The following MPI variants were observed in gnomAD, a reference collection of about 807,000 sequenced individuals.
MPI encodes mannose-6-phosphate isomerase.
Under a neutral mutation model 40.1 loss-of-function variants are expected in MPI, and 33 were observed. The ratio of observed to expected loss-of-function variants is 0.82; its 90% confidence interval spans 0.62 to 1.10. MPI has a LOEUF of 1.10. MPI is among the 50% of genes least tolerant of loss of function. MPI has a pLI of 0.00. For synonymous variants in MPI, 187 were observed against 207.4 expected (o/e 0.90, Z 0.85); for missense variants, 514 against 524.1 (o/e 0.98, Z 0.19).
In MPI at chr15:74,894,107, T is replaced by TGTGTTTTCTGAGCCAG. The variant is rs1555478772; in HGVS notation, c.670+788_670+789insTGTTTTCTGAGCCAGG. Among the ~76,000 whole-genome samples, 577 of 60,992 alleles carry TGTGTTTTCTGAGCCAG rather than the reference T, an allele frequency of 9.5e-3. 163 individuals are homozygous for TGTGTTTTCTGAGCCAG. Among genetic ancestry groups the TGTGTTTTCTGAGCCAG allele is most frequent in the Middle Eastern group, 0.023 (3 of 128 alleles). The allele number at this position is 60,992 out of a possible 152,430, so 40.0% of individuals were successfully genotyped here. On this transcript the variant is annotated intron_variant, in intron 5 of 7. Coordinates refer to ENST00000352410, the MANE Select transcript of MPI (RefSeq NM_002435.3). ...GTGTGTGTGTGTGTGTGTGTGTGTG[T>TGTGTTTTCTGAGCCAG]GGTCTCTTTCTGTTGCCCCAGGCTG...
At chr15:74,895,821 C>A in intron 5 of MPI, 2 of 364,264 alleles carry the variant, frequency 5.5e-6, no homozygotes, top group Non-Finnish European at 1.1e-5. Context: ...GGACAGCCCC[C>A]ACAATAAAGA....
chr15:74,895,241 C>T (rs1340606651), intron 5 of MPI, among the ~76,000 whole-genome samples: 1 of 150,364 alleles, frequency 6.7e-6, no homozygotes. Flanking sequence ...TCCCAAAGTC[C>T]TGAGATGACA....
Position 74,899,095 on chromosome 15 carries a change from G to A in MPI, c.*1365G>A, listed in dbSNP as rs1280808257. 6.6e-6 allele frequency: 1 copy of A among 152,210 alleles called. No homozygotes were observed. Among genetic ancestry groups the A allele is most frequent in the Non-Finnish European group, 1.5e-5 (1 of 68,052 alleles). 9.4% of individuals were successfully genotyped at this position (152,210 alleles called of 1,614,324 possible). A position where few individuals can be genotyped will look rare whatever the true frequency, so the allele number is the denominator to read the frequency against. On this transcript the variant is annotated 3_prime_UTR_variant, in exon 8 of 8. Transcript: ENST00000352410. Reference sequence around the variant, plus strand: ...TAGACAATTTTCATGGCGAGGAGAAGCCCAGTTAGCTTTCCTAAACGGGCA... The same window carrying A: ...TAGACAATTTTCATGGCGAGGAGAAACCCAGTTAGCTTTCCTAAACGGGCA...
rs1046595604 is a variant in MPI, at chr15:74,899,334, G to A, written c.*1604G>A. On this transcript the variant is annotated 3_prime_UTR_variant, in exon 8 of 8. Coordinates refer to ENST00000352410, the MANE Select transcript of MPI (RefSeq NM_002435.3). The stretch of plus-strand genomic sequence containing the variant: ...TTTCTGGGCTTCTGCCCACACTAGA[G>A]TCCCTATACAATGGAGTTCCAGGAA... The A allele has an allele frequency of 6.6e-6, 1 of 152,184 alleles. No individual in the cohort carries two copies. Among genetic ancestry groups the A allele is most frequent in the Admixed American group, 6.5e-5 (1 of 15,284 alleles). 9.4% of individuals were successfully genotyped at this position (152,184 alleles called of 1,614,324 possible). A position where few individuals can be genotyped will look rare whatever the true frequency, so the allele number is the denominator to read the frequency against.
chr15:74,894,898 T>G (rs574895901), intron 5 of MPI, among the ~76,000 whole-genome samples: 18 of 152,180 alleles, frequency 1.2e-4, no homozygotes, highest in African/African-American at 3.9e-4. Flanking sequence ...CCAGGACACA[T>G]TTTGGCCCTC....
At chr15:74,893,591 G>A (rs2064758844) in intron 5 of MPI, 2 of 601,618 alleles carry the variant, frequency 3.3e-6, no homozygotes, top group Admixed American at 2.8e-5. Flanking sequence ...CTTCCACCTA[G>A]GCATTCTGAG....
At chr15:74,896,532 C>T in intron 6 of MPI, 2 of 697,740 alleles carry the variant, frequency 2.9e-6, no homozygotes, top group Non-Finnish European at 5.2e-6. Flanking sequence ...CTGACACCAA[C>T]CCTGTGATGC....
chr15:74,892,966 A>G, intron 4 of MPI, 164 bp downstream of exon 4: 2 of 1,322,616 alleles, frequency 1.5e-6, no homozygotes, highest in Non-Finnish European at 2.1e-6. Context: ...GACCAGGCTC[A>G]GGTGTGGTAG....
Position 74,901,397 on chromosome 15 carries a change from G to T in MPI, c.*3667G>T, listed in dbSNP as rs151085103. 6.6e-6 allele frequency: 1 copy of T among 152,116 alleles called. No individual in the cohort carries two copies. The highest frequency in any genetic ancestry group is 6.5e-5 in the Admixed American group (1 of 15,274). The allele number at this position is 152,116 out of a possible 1,614,324, so 9.4% of individuals were successfully genotyped here. ...TATACTCTCCAATTTGTGGGTAGGG[G>T]GTGTCACAGCAGAAATTATGCCTAT... On this transcript the variant is annotated 3_prime_UTR_variant, in exon 8 of 8. Coordinates refer to ENST00000352410, the MANE Select transcript of MPI (RefSeq NM_002435.3).
At position 74,895,848 on chromosome 15, in the gene MPI, G is replaced by A. The variant is rs1270993697; in HGVS notation, c.671-304G>A. ...CAATAAAGAATTACCTAGCCCAAAT[G>A]TCAGTAGCGCCAAGGCTGAGAAATC... On this transcript the variant is annotated intron_variant, in intron 5 of 7. Coordinates refer to ENST00000352410, the MANE Select transcript of MPI (RefSeq NM_002435.3). The A allele has an allele frequency of 1.4e-5, 6 of 419,772 alleles. No individual in the cohort carries two copies. In the East Asian group the frequency reaches 2.5e-4, roughly 18 times the overall value. 26.0% of individuals were successfully genotyped at this position (419,772 alleles called of 1,614,324 possible).
At position 74,893,372 on chromosome 15, in the gene MPI, C is replaced by G; in HGVS notation, c.670+52C>G. 4 of 1,593,476 alleles carry G rather than the reference C, an allele frequency of 2.5e-6. No homozygotes were observed. In the South Asian group the frequency reaches 4.4e-5, roughly 18 times the overall value. ...GTGCAATGCTCTGGCCTGGGCTTCC[C>G]AGCAGACACCAGACTCTGGGGACAG... On this transcript the variant is annotated intron_variant, in intron 5 of 7. Coordinates refer to ENST00000352410, the MANE Select transcript of MPI (RefSeq NM_002435.3).
chr15:74,894,006 A>T, intron 5 of MPI, among the ~76,000 whole-genome samples: 1 of 142,938 alleles, frequency 7.0e-6, no homozygotes, highest in Non-Finnish European at 1.5e-5. Flanking sequence ...TTAGGGCATT[A>T]TTTATTTGAC....
intron 2 of MPI, chr15:74,891,101 G>A (rs2064719047): frequency 1.8e-5 from 11 of 596,520 alleles, no homozygotes; most frequent in South Asian, 1.8e-4. Context: ...CAGTGCAGAT[G>A]TCATTCTCCT....
At chr15:74,896,865 T>G (rs1319799869) in intron 6 of MPI, 146 bp from the exon 7 acceptor site, 2 of 771,040 alleles carry the variant, frequency 2.6e-6, no homozygotes, top group East Asian at 5.2e-5. Context: ...GTATTTGATA[T>G]CTTAACCCCA....
chr15:74,896,518 A>C, intron 6 of MPI, 193 bp downstream of exon 6: 1 of 713,664 alleles, frequency 1.4e-6, no homozygotes, highest in Non-Finnish European at 2.5e-6. Context: ...ACACGCCTTG[A>C]ATCCTGACAC....
In MPI at chr15:74,890,525, A is replaced by T; in HGVS notation, c.17-2A>T. On this transcript the variant is annotated splice_acceptor_variant, in intron 1 of 7. Coordinates refer to ENST00000352410, the MANE Select transcript of MPI (RefSeq NM_002435.3). LOFTEE classifies it high-confidence loss of function. ...GGCAGCTGACCCTGTCTGTGCCCCT[A>T]GTATTCCCACTTTCCTGTGCGGTGC... 6.2e-7 allele frequency: 1 copy of T among 1,614,172 alleles called. No homozygotes were observed. The highest frequency in any genetic ancestry group is 8.5e-7 in the Non-Finnish European group (1 of 1,180,034).
In MPI at chr15:74,899,695, C is replaced by T; in HGVS notation, c.*1965C>T. 6.6e-6 allele frequency: 1 copy of T among 152,352 alleles called. No homozygotes were observed. The highest frequency in any genetic ancestry group is 1.5e-5 in the Non-Finnish European group (1 of 68,052). 9.4% of individuals were successfully genotyped at this position (152,352 alleles called of 1,614,324 possible). A position where few individuals can be genotyped will look rare whatever the true frequency, so the allele number is the denominator to read the frequency against. On this transcript the variant is annotated 3_prime_UTR_variant, in exon 8 of 8. Coordinates refer to ENST00000352410, the MANE Select transcript of MPI (RefSeq NM_002435.3). The stretch of plus-strand genomic sequence containing the variant: ...GGGCTGGAGTGCAGTGGCGCGATAG[C>T]TCACTGCAACCTCCGCCCACTGGGT...
At chr15:74,896,497 T>A in intron 6 of MPI, 172 bp downstream of exon 6, 3 of 748,820 alleles carry the variant, frequency 4.0e-6, no homozygotes, top group Non-Finnish European at 7.0e-6. Context: ...GATGAATGCA[T>A]TTAGCATTGA....
chr15:74,897,228 G>A lies in MPI; in HGVS notation c.1053+9G>A. 6.2e-7 allele frequency: 1 copy of A among 1,613,450 alleles called. No individual in the cohort carries two copies. The highest frequency in any genetic ancestry group is 8.5e-7 in the Non-Finnish European group (1 of 1,179,398). On this transcript the variant is annotated intron_variant, in intron 7 of 7. Transcript: ENST00000352410. The stretch of plus-strand genomic sequence containing the variant: ...CCATTATGAAGACGGAGGTGAGTGA[G>A]GGGCTATGATGGGTGTCCTTCGTGT...
Sources: allele counts gnomAD v4.1 joint callset (sites outside exome capture counted in the v4.1 genomes callset), GRCh38; gene constraint gnomAD v4.1.1; transcripts MANE v1.5; gene names NCBI Gene and HGNC (gene_info 2026-07-23, HGNC 2026-07-21).